Variants in HTR4 observed in about 807,000 individuals in gnomAD.
HTR4 encodes the protein 5-hydroxytryptamine receptor 4.
In HTR4, 16 loss-of-function variants were observed where a neutral mutation model predicts 36.8. The observed-to-expected ratio is 0.43, with a 90% confidence interval of 0.29 to 0.66. The LOEUF (loss-of-function observed/expected upper bound fraction) is 0.66. Among genes scored for constraint, HTR4 ranks in the 30% least tolerant of loss-of-function variants. The pLI, the probability that HTR4 is intolerant of heterozygous loss-of-function variation, is 0.13. For synonymous variants in HTR4, 189 were observed against 185.1 expected, an observed-to-expected ratio of 1.02 and a Z score of -0.17; for missense variants, 438 against 490.9, an observed-to-expected ratio of 0.89 and a Z score of 1.02.
rs545640551 is a variant in HTR4, at chr5:148,654,385, C to A, written c.-371G>T. On this transcript the variant is annotated 5_prime_UTR_variant, in exon 1 of 7. Transcript: ENST00000377888. Reference sequence around the variant, plus strand: ...GTCCCCGCTGCCCTGCCCGCTGCCGCCCCCACTGGGCGCCAGGGACAGCGG... The same window carrying A: ...GTCCCCGCTGCCCTGCCCGCTGCCGACCCCACTGGGCGCCAGGGACAGCGG... The A allele has an allele frequency of 4.1e-6, 4 of 985,412 alleles. No homozygotes were observed. In the African/African-American group the frequency reaches 5.2e-5, roughly 13 times the overall value. The allele number at this position is 985,412 out of a possible 1,614,324, so 61.0% of individuals were successfully genotyped here.
intron 2 of HTR4, among the ~76,000 whole-genome samples, chr5:148,554,851 T>G (rs978166695): frequency 6.6e-6 from 1 of 152,098 alleles, no homozygotes. Flanking sequence ...TCTTTGTGTC[T>G]GTAATGTACT....
At chr5:148,583,018 T>C (rs1761202721) in intron 2 of HTR4, among the ~76,000 whole-genome samples, 1 of 151,662 alleles carries the variant, frequency 6.6e-6, no homozygotes. Context: ...GTGCCAGTTT[T>C]CAAAGGGAAT....
At chr5:148,498,322 A>G (rs1368171027) in intron 6 of HTR4, among the ~76,000 whole-genome samples, 1 of 152,174 alleles carries the variant, frequency 6.6e-6, no homozygotes, top group Non-Finnish European at 1.5e-5. Flanking sequence ...TGTTGTCATG[A>G]ACTGGGTCTT....
At chr5:148,546,428 A>G (rs957105194) in intron 4 of HTR4, among the ~76,000 whole-genome samples, 2 of 152,172 alleles carry the variant, frequency 1.3e-5, no homozygotes, top group African/African-American at 4.8e-5. Flanking sequence ...TTTGAACCCA[A>G]ATCTCTTCAA....
chr5:148,637,693 C>G (rs969552298), intron 1 of HTR4, among the ~76,000 whole-genome samples: 1 of 152,148 alleles, frequency 6.6e-6, no homozygotes, highest in African/African-American at 2.4e-5. Flanking sequence ...ACCAAAGTTC[C>G]TCTATCACAG....
intron 6 of HTR4, among the ~76,000 whole-genome samples, chr5:148,486,483 G>A (rs527247717): frequency 4.6e-5 from 7 of 152,292 alleles, no homozygotes; most frequent in Middle Eastern, 3.4e-3. Context: ...GGAGCCTCCA[G>A]TTGAGTGACT....
chr5:148,547,324 A>G (rs1200115508), intron 4 of HTR4, among the ~76,000 whole-genome samples: 2 of 151,968 alleles, frequency 1.3e-5, no homozygotes, highest in East Asian at 3.9e-4. Flanking sequence ...TTTAAAAAAA[A>G]CAGTGATTGT....
At chr5:148,477,930 T>G (rs1243182121), downstream of HTR4, among the ~76,000 whole-genome samples, 1 of 152,184 alleles carries the variant, frequency 6.6e-6, no homozygotes, top group Non-Finnish European at 1.5e-5. Context: ...CTCCTCCATC[T>G]AACCTTCCCT....
At chr5:148,526,587 G>T (rs544529524) in intron 4 of HTR4, among the ~76,000 whole-genome samples, 3 of 152,160 alleles carry the variant, frequency 2.0e-5, no homozygotes, top group Admixed American at 2.0e-4. Context: ...TATCCTATAG[G>T]ACACTGTTCA....
At chr5:148,639,948 G>C (rs1177569426) in intron 1 of HTR4, among the ~76,000 whole-genome samples, 2 of 151,996 alleles carry the variant, frequency 1.3e-5, no homozygotes, top group Middle Eastern at 3.2e-3. Flanking sequence ...CCTTTACTAC[G>C]TGTTAATAAG....
chr5:148,545,335 T>C (rs1368587407), intron 4 of HTR4, among the ~76,000 whole-genome samples: 2 of 152,244 alleles, frequency 1.3e-5, no homozygotes, highest in African/African-American at 4.8e-5. Flanking sequence ...ACCACTCCAT[T>C]TGTTCAATCG....
At chr5:148,475,835 C>T (rs145499698), downstream of HTR4, among the ~76,000 whole-genome samples, 17 of 152,292 alleles carry the variant, frequency 1.1e-4, no homozygotes, top group Non-Finnish European at 1.8e-4. Context: ...TGCTTTAACC[C>T]ACTGACGCCT....
chr5:148,494,185 C>T (rs1242611970), intron 6 of HTR4, among the ~76,000 whole-genome samples: 1 of 152,178 alleles, frequency 6.6e-6, no homozygotes, highest in African/African-American at 2.4e-5. Flanking sequence ...CTTATTCTGG[C>T]ATGCACAGTC....
At chr5:148,592,129 T>C (rs550347890) in intron 2 of HTR4, among the ~76,000 whole-genome samples, 1 of 151,632 alleles carries the variant, frequency 6.6e-6, no homozygotes, top group African/African-American at 2.4e-5. Flanking sequence ...TAAACTAACA[T>C]AGGAACAAAA....
At chr5:148,476,779 G>A (rs1483574563), downstream of HTR4, 6 of 1,612,900 alleles carry the variant, frequency 3.7e-6, no homozygotes, top group South Asian at 2.2e-5. Context: ...CGTAATTAAT[G>A]AACCACACTG....
chr5:148,458,566 T>C (rs905103532), intron 5 of HTR4, among the ~76,000 whole-genome samples: 6 of 152,048 alleles, frequency 3.9e-5, no homozygotes, highest in African/African-American at 1.4e-4. Context: ...TCTCGGTTAG[T>C]GTGTCAGGGT....
At chr5:148,562,266 C>A (rs955347340) in intron 2 of HTR4, among the ~76,000 whole-genome samples, 2 of 152,080 alleles carry the variant, frequency 1.3e-5, no homozygotes, top group African/African-American at 2.4e-5. Flanking sequence ...CCCTTTATGA[C>A]CCTTTATGAA....
At position 148,482,793 on chromosome 5, in the gene HTR4, G is replaced by C; in HGVS notation, c.*410C>G. 9.5e-7 allele frequency: 1 copy of C among 1,048,272 alleles called. No individual in the cohort carries two copies. Among genetic ancestry groups the C allele is most frequent in the South Asian group, 3.5e-5 (1 of 28,516 alleles). The allele number at this position is 1,048,272 out of a possible 1,614,324, so 64.9% of individuals were successfully genotyped here. ...GACAGGAACAGAGAGGGAGTATTTT[G>C]TTGATATCTGGAAGCCCACACAGCA... On this transcript the variant is annotated 3_prime_UTR_variant, in exon 7 of 7. Transcript: ENST00000377888.
At chr5:148,493,803 G>T (rs572358932) in intron 6 of HTR4, among the ~76,000 whole-genome samples, 72 of 152,294 alleles carry the variant, frequency 4.7e-4, no homozygotes, top group Middle Eastern at 3.4e-3. Flanking sequence ...CCTGGTAGGG[G>T]TTAATGGAGA....
Sources: allele counts gnomAD v4.1 joint callset (sites outside exome capture counted in the v4.1 genomes callset), GRCh38; gene constraint gnomAD v4.1.1; transcripts MANE v1.5; gene names NCBI Gene and HGNC (gene_info 2026-07-23, HGNC 2026-07-21).